UBE3D: variants seen among roughly 807,000 people sequenced by gnomAD.
UBE3D encodes ubiquitin protein ligase E3D, also known as E3 ubiquitin-protein ligase E3D.
Under a neutral mutation model 49.6 loss-of-function variants are expected in UBE3D, and 48 were observed. That is an observed-to-expected ratio of 0.97 (90% CI 0.77 to 1.23). The LOEUF (loss-of-function observed/expected upper bound fraction) is 1.23. Ranked by LOEUF, UBE3D falls within the 50% of genes most tolerant of loss-of-function variation. The pLI, the probability that UBE3D is intolerant of heterozygous loss-of-function variation, is 0.00. For synonymous variants in UBE3D, 189 were observed against 174.2 expected, an observed-to-expected ratio of 1.08 and a Z score of -0.67; for missense variants, 452 against 468.4, an observed-to-expected ratio of 0.96 and a Z score of 0.32.
chr6:83,027,434 CAA>C (rs61225462), intron 5 of UBE3D, among the ~76,000 whole-genome samples: 143 of 34,616 alleles, frequency 4.1e-3, no homozygotes, highest in Middle Eastern at 0.038. Context: ...GACTCCGTCT[CAA>C]AAAAAAAAAA....
intron 9 of UBE3D, among the ~76,000 whole-genome samples, chr6:82,907,730 A>G (rs184172602): frequency 1.3e-5 from 2 of 152,356 alleles, no homozygotes; most frequent in East Asian, 3.9e-4. Flanking sequence ...GCTCTCAGAC[A>G]TGGTTGCTGG....
chr6:83,024,135 T>A, intron 5 of UBE3D, 97 bp from the exon 6 acceptor site: 1 of 573,414 alleles, frequency 1.7e-6, no homozygotes, highest in Non-Finnish European at 3.0e-6. Flanking sequence ...AACTAAATAT[T>A]AAATATACTG....
intron 1 of UBE3D, among the ~76,000 whole-genome samples, 199 bp downstream of exon 1, chr6:83,065,443 A>G (rs1784428518): frequency 6.6e-6 from 1 of 152,170 alleles, no homozygotes; most frequent in African/African-American, 2.4e-5. Context: ...AAGCTCCCCA[A>G]AGATACCCAC....
intron 9 of UBE3D, among the ~76,000 whole-genome samples, chr6:82,902,151 A>G (rs1163755250): frequency 6.6e-6 from 1 of 152,196 alleles, no homozygotes; most frequent in Non-Finnish European, 1.5e-5. Flanking sequence ...TTGGCACCAA[A>G]AGTTGGCAAA....
At chr6:82,961,105 G>A (rs1454435730) in intron 8 of UBE3D, among the ~76,000 whole-genome samples, 1 of 152,100 alleles carries the variant, frequency 6.6e-6, no homozygotes, top group East Asian at 1.9e-4. Flanking sequence ...CTGTAGCCTG[G>A]ACCATGGCCT....
intron 9 of UBE3D, among the ~76,000 whole-genome samples, chr6:82,949,958 A>C (rs1775668133): frequency 6.6e-6 from 1 of 152,220 alleles, no homozygotes; most frequent in African/African-American, 2.4e-5. Context: ...AATTGGGCAA[A>C]GATTTCTTGA....
At chr6:82,929,103 A>C (rs2127742494) in intron 9 of UBE3D, among the ~76,000 whole-genome samples, 1 of 152,306 alleles carries the variant, frequency 6.6e-6, no homozygotes, top group Admixed American at 6.5e-5. Flanking sequence ...TCAAAATCAT[A>C]AAAATAATAA....
chr6:83,049,358 T>C (rs188756041), intron 3 of UBE3D, among the ~76,000 whole-genome samples: 89 of 152,288 alleles, frequency 5.8e-4, no homozygotes, highest in Middle Eastern at 3.4e-3. Flanking sequence ...TCAGGTGACA[T>C]TCTCTGACTG....
chr6:83,065,795 A>T lies in UBE3D; in HGVS notation c.-77T>A. The T allele has an allele frequency of 7.0e-7, 1 of 1,437,920 alleles. No individual in the cohort carries two copies. 89.1% of individuals were successfully genotyped at this position (1,437,920 alleles called of 1,614,324 possible). ...GGTCAACAGGACCAGGAGAGGTTCCACGTGCGGACCAACCAGCGGCAGCCC... is the reference window on the plus strand; with the variant it reads ...GGTCAACAGGACCAGGAGAGGTTCCTCGTGCGGACCAACCAGCGGCAGCCC... On this transcript the variant is annotated 5_prime_UTR_variant, in exon 1 of 10. Transcript: ENST00000369747.
At chr6:82,885,825 C>T in the UBE3D span, among the ~76,000 whole-genome samples, 39 of 152,298 alleles carry the variant, frequency 2.6e-4, no homozygotes, top group East Asian at 7.2e-3. Flanking sequence ...TCCAATCCAG[C>T]CAAATGTTCT....
intron 9 of UBE3D, among the ~76,000 whole-genome samples, chr6:82,919,666 GA>G: frequency 6.6e-6 from 1 of 152,066 alleles, no homozygotes; most frequent in Admixed American, 6.6e-5. Flanking sequence ...AAGGACAGAT[GA>G]TAATAAGAAT....
chr6:82,963,191 T>C (rs1304244895), intron 8 of UBE3D, among the ~76,000 whole-genome samples: 3 of 93,420 alleles, frequency 3.2e-5, no homozygotes, highest in Admixed American at 3.2e-4. Flanking sequence ...AGTTTTCATC[T>C]TTTTTTTTTT....
In UBE3D at chr6:83,004,688, T is replaced by A. The variant is rs149754431; in HGVS notation, c.1010+14285A>T. On this transcript the variant is annotated intron_variant, in intron 8 of 9. Transcript: ENST00000369747. ...CTCTAGCATCATATTCACACACTAT[T>A]CAAATAAGTTAGCATAAATTGTTTT... 3.0e-4 allele frequency among the ~76,000 whole-genome samples: 46 copies of A among 152,312 alleles called. No homozygotes were observed. The East Asian group carries it at 8.7e-3, about 29-fold the overall frequency.
At chr6:83,037,904 C>T (rs1359129990) in intron 5 of UBE3D, 2 of 151,716 alleles carry the variant, frequency 1.3e-5, no homozygotes, top group Non-Finnish European at 2.9e-5. Context: ...TTCAACAGGT[C>T]CTCTCCCATC....
chr6:82,938,589 G>C (rs1774768596), intron 9 of UBE3D: 1 of 152,214 alleles, frequency 6.6e-6, no homozygotes, highest in African/African-American at 2.4e-5. Context: ...AGGTTAATAA[G>C]GAGCAGTGAA....
At chr6:83,045,581 C>T (rs755033092) in intron 3 of UBE3D, among the ~76,000 whole-genome samples, 11 of 152,164 alleles carry the variant, frequency 7.2e-5, no homozygotes, top group Admixed American at 1.3e-4. Flanking sequence ...TTTTGGTTTA[C>T]GTGTCTTAAT....
chr6:82,923,362 T>C (rs6899367), intron 9 of UBE3D, among the ~76,000 whole-genome samples: 117,518 of 151,886 alleles, frequency 0.77, 46,292 homozygotes, highest in South Asian at 0.86. Flanking sequence ...ATATAAACCA[T>C]AGAATACTAC....
rs11963789 is a variant in UBE3D, at chr6:83,024,852, A to G, written c.668-814T>C. Among the ~76,000 whole-genome samples the G allele has an allele frequency of 6.6e-4, 100 of 152,294 alleles. 1 individual carries two copies. In the East Asian group the frequency reaches 9.1e-3, roughly 14 times the overall value. ...GAGAAAGATTAACGGTATAAATTTCAGGTAGCATCGTTTTTCGTTGAGGGC... is the reference window on the plus strand; with the variant it reads ...GAGAAAGATTAACGGTATAAATTTCGGGTAGCATCGTTTTTCGTTGAGGGC... On this transcript the variant is annotated intron_variant, in intron 5 of 9. Coordinates refer to ENST00000369747, the MANE Select transcript of UBE3D (RefSeq NM_198920.3).
the UBE3D span, among the ~76,000 whole-genome samples, chr6:82,881,544 T>C: frequency 1.3e-5 from 2 of 152,136 alleles, no homozygotes; most frequent in African/African-American, 4.8e-5. Flanking sequence ...TTTAGATCAG[T>C]TGGATTTGAA....
Sources: gnomAD v4.1 joint callset for allele counts (sites outside exome capture counted in the v4.1 genomes callset) on GRCh38, gnomAD v4.1.1 for gene constraint, MANE v1.5 for transcripts, NCBI Gene and HGNC (gene_info 2026-07-23, HGNC 2026-07-21) for gene names.